DCLRE1B: variants seen among roughly 807,000 people sequenced by gnomAD.
DCLRE1B encodes 5' exonuclease Apollo.
In DCLRE1B, 6 loss-of-function variants were observed where a neutral mutation model predicts 19.8. That is an observed-to-expected ratio of 0.30 (90% CI 0.17 to 0.60). DCLRE1B has a LOEUF of 0.60. Ranked by LOEUF, DCLRE1B falls within the 20% of genes least tolerant of loss-of-function variation. The pLI, the probability that DCLRE1B is intolerant of heterozygous loss-of-function variation, is 0.87. For missense variants in DCLRE1B, 622 were observed against 654.2 expected, an observed-to-expected ratio of 0.95 and a Z score of 0.54; for synonymous variants, 258 against 255.7, an observed-to-expected ratio of 1.01 and a Z score of -0.09.
At chr1:113,909,513 A>G (rs1669172980) in intron 3 of DCLRE1B, among the ~76,000 whole-genome samples, 2 of 152,260 alleles carry the variant, frequency 1.3e-5, no homozygotes, top group Admixed American at 1.3e-4. Context: ...GAGTTTCAAA[A>G]TGAGACTAAA....
At position 113,905,462 on chromosome 1, in the gene DCLRE1B, C is replaced by G; in HGVS notation, c.-125C>G. 1.0e-6 allele frequency: 1 copy of G among 957,186 alleles called. No homozygotes were observed. The highest frequency in any genetic ancestry group is 2.4e-5 in the East Asian group (1 of 41,252). 59.3% of individuals were successfully genotyped at this position (957,186 alleles called of 1,614,324 possible). A position where few individuals can be genotyped will look rare whatever the true frequency, so the allele number is the denominator to read the frequency against. ...AACTTATTGCTCTGCTGGGCTCTTT[C>G]CCTTAGGGTCTCTGGCCCTGTTCTT... On this transcript the variant is annotated 5_prime_UTR_variant, in exon 1 of 4. Transcript: ENST00000650450.
chr1:113,907,214 T>TG lies in DCLRE1B; in HGVS notation c.355+53_355+54insG, dbSNP rs998690455. ...TTCTCCAGACTAGATGTTTTTTTTTTTTTTTTTTTTTTTTTTTTTTAATGT... is the reference window on the plus strand; with the variant it reads ...TTCTCCAGACTAGATGTTTTTTTTTTGTTTTTTTTTTTTTTTTTTTTAATGT... On this transcript the variant is annotated intron_variant, in intron 2 of 3. Transcript: ENST00000650450. 22 of 1,067,958 alleles carry TG rather than the reference T, an allele frequency of 2.1e-5. 1 individual carries two copies. Among genetic ancestry groups the TG allele is most frequent in the Middle Eastern group, 5.6e-4 (2 of 3,582 alleles). The allele number at this position is 1,067,958 out of a possible 1,614,324, so 66.2% of individuals were successfully genotyped here.
At chr1:113,907,792 G>T (rs1346276908) in intron 2 of DCLRE1B, among the ~76,000 whole-genome samples, 2 of 152,126 alleles carry the variant, frequency 1.3e-5, no homozygotes, top group Non-Finnish European at 2.9e-5. Context: ...ACTCTTTAAG[G>T]GTCCGAACCT....
At position 113,912,199 on chromosome 1, in the gene DCLRE1B, A is replaced by G; in HGVS notation, c.*8A>G. ...TACCATAAACCCTGCTGAAGACAGG[A>G]GAGTACAGAATGACAACATTGAGCC... On this transcript the variant is annotated 3_prime_UTR_variant, in exon 4 of 4. Coordinates refer to ENST00000650450, the MANE Select transcript of DCLRE1B (RefSeq NM_022836.4). 4 of 1,599,664 alleles carry G rather than the reference A, an allele frequency of 2.5e-6. No homozygotes were observed. Among genetic ancestry groups the G allele is most frequent in the Non-Finnish European group, 3.4e-6 (4 of 1,173,980 alleles).
At chr1:113,904,809 A>G, upstream of DCLRE1B, 1 of 1,097,582 alleles carries the variant, frequency 9.1e-7, no homozygotes, top group Non-Finnish European at 1.4e-6. Context: ...TAAAGGAAAT[A>G]TGAGTCAGTG....
intron 1 of DCLRE1B, among the ~76,000 whole-genome samples, chr1:113,906,509 G>A (rs868731989): frequency 1.0e-5 from 1 of 96,156 alleles, no homozygotes; most frequent in African/African-American, 3.2e-5. Flanking sequence ...TTTTTTTTTT[G>A]AGATGGAGTC....
chr1:113,906,584 G>A (rs953800236), intron 1 of DCLRE1B, among the ~76,000 whole-genome samples: 25 of 150,580 alleles, frequency 1.7e-4, no homozygotes, highest in African/African-American at 3.9e-4. Flanking sequence ...TCCGCCTCCC[G>A]GGTTCACGCC....
chr1:113,905,709 T>C lies in DCLRE1B; in HGVS notation c.123T>C (p.Ser41=). ...ACTCGGACCACACCGTGGGCCTGTC[T>C]AGCACCTGGGCCCGGCCCCTCTACT... ...HMHSDHTVGL[S]STWARPLYCS... Residue 41 remains serine, a synonymous_variant, in exon 1 of 4, where the codon TCT becomes TCC. Transcript: ENST00000650450. 6.2e-7 allele frequency: 1 copy of C among 1,614,200 alleles called. No homozygotes were observed. Among genetic ancestry groups the C allele is most frequent in the Non-Finnish European group, 8.5e-7 (1 of 1,180,040 alleles).
upstream of DCLRE1B, chr1:113,904,947 G>A: frequency 2.0e-6 from 1 of 506,630 alleles, no homozygotes; most frequent in Non-Finnish European, 3.6e-6. Flanking sequence ...CCTACCGTCG[G>A]CCGGCAGGCC....
intron 3 of DCLRE1B, among the ~76,000 whole-genome samples, 179 bp from the exon 4 acceptor site, chr1:113,910,952 C>T (rs1055265089): frequency 2.0e-5 from 3 of 152,220 alleles, no homozygotes; most frequent in Non-Finnish European, 4.4e-5. Context: ...TGAGTGGATT[C>T]TGTGTCATTC....
In DCLRE1B at chr1:113,911,558, T is replaced by C. The variant is rs1001695920; in HGVS notation, c.966T>C (p.Ser322=). 2 of 1,609,194 alleles carry C rather than the reference T, an allele frequency of 1.2e-6. No homozygotes were observed. The highest frequency in any genetic ancestry group is 1.7e-6 in the Non-Finnish European group (2 of 1,177,148). The change falls in exon 4 of 4, where the codon TCT becomes TCC. Residue 322 remains serine, a synonymous_variant. Transcript: ENST00000650450. ...PRISVPLIPD[S]VQQYMSSSSR... is the part of the protein sequence containing the mutation. ...TCTCCGTGCCCCTGATTCCGGACTC[T>C]GTACAGCAATACATGAGTTCTTCCT...
chr1:113,908,005 C>T lies in DCLRE1B; in HGVS notation c.356-4C>T. 6.2e-7 allele frequency: 1 copy of T among 1,612,252 alleles called. No individual in the cohort carries two copies. Among genetic ancestry groups the T allele is most frequent in the South Asian group, 1.1e-5 (1 of 90,762 alleles). On this transcript the variant is annotated splice_region_variant and splice_polypyrimidine_tract_variant and intron_variant, in intron 2 of 3. Transcript: ENST00000650450. The stretch of plus-strand genomic sequence containing the variant: ...CTTCTGCCCCCATGTACATATTCCT[C>T]CAGGTGATTTTCGATACACACCATC...
Position 113,911,234 on chromosome 1 carries a change from G to A in DCLRE1B, c.642G>A (p.Leu214=). The A allele has an allele frequency of 6.2e-7, 1 of 1,614,148 alleles. No homozygotes were observed. The highest frequency in any genetic ancestry group is 8.5e-7 in the Non-Finnish European group (1 of 1,180,024). The change falls in exon 4 of 4, where the codon CTG becomes CTA. Residue 214 remains leucine (L), a synonymous_variant. Transcript: ENST00000650450. The part of the protein sequence containing the change: ...SPRRLELVQL[L]GLADVFTVEE... ...GGCGCCTGGAGTTGGTACAGCTACT[G>A]GGCCTGGCAGATGTGTTCACAGTGG...
rs549106054 is a variant in DCLRE1B, at chr1:113,907,575, T to G, written c.355+414T>G. On this transcript the variant is annotated intron_variant, in intron 2 of 3. Coordinates refer to ENST00000650450, the MANE Select transcript of DCLRE1B (RefSeq NM_022836.4). ...ACCTCCGCCTTCTGGGTTCAAGTGA[T>G]TCTCTTGCCTCAGCCTCCCAAGTAG... is the stretch of plus-strand genomic sequence containing the variant. Among the ~76,000 whole-genome samples the G allele has an allele frequency of 1.1e-4, 16 of 152,282 alleles. No homozygotes were observed. The South Asian group carries it at 2.9e-3, about 28-fold the overall frequency.
upstream of DCLRE1B, chr1:113,904,715 C>G (rs2101057747): frequency 1.2e-6 from 2 of 1,612,242 alleles, no homozygotes; most frequent in Non-Finnish European, 1.7e-6. Context: ...CAAGGTACGG[C>G]ATCTTCCTAA....
rs1571598930 is a variant in DCLRE1B at position 113,905,370 on chromosome 1, T to G, written c.-217T>G. 3.6e-6 allele frequency: 2 copies of G among 554,188 alleles called. No individual in the cohort carries two copies. Among genetic ancestry groups the G allele is most frequent in the Non-Finnish European group, 6.2e-6 (2 of 321,930 alleles). 34.3% of individuals were successfully genotyped at this position (554,188 alleles called of 1,614,324 possible). Reference sequence around the variant, plus strand: ...GCCTCCGCTCCCGCGCGGTTGGGAGTGTCCAGCGCCCTCCGCGATTTGGGC... The same window carrying G: ...GCCTCCGCTCCCGCGCGGTTGGGAGGGTCCAGCGCCCTCCGCGATTTGGGC... On this transcript the variant is annotated 5_prime_UTR_variant, in exon 1 of 4. Transcript: ENST00000650450.
At position 113,914,010 on chromosome 1, in the gene DCLRE1B, C is replaced by T. The variant is rs973515877; in HGVS notation, c.*1819C>T. On this transcript the variant is annotated 3_prime_UTR_variant, in exon 4 of 4. Coordinates refer to ENST00000650450, the MANE Select transcript of DCLRE1B (RefSeq NM_022836.4). Reference sequence around the variant, plus strand: ...ACCCTATCATGTGAGTATACCTTAACTAAGCCATTCCCATATTCAACATTT... The same window carrying T: ...ACCCTATCATGTGAGTATACCTTAATTAAGCCATTCCCATATTCAACATTT... 2 of 152,178 alleles carry T rather than the reference C, an allele frequency of 1.3e-5. No individual in the cohort carries two copies. The highest frequency in any genetic ancestry group is 2.9e-5 in the Non-Finnish European group (2 of 68,038). 9.4% of individuals were successfully genotyped at this position (152,178 alleles called of 1,614,324 possible). A position where few individuals can be genotyped will look rare whatever the true frequency, so the allele number is the denominator to read the frequency against.
intron 3 of DCLRE1B, among the ~76,000 whole-genome samples, chr1:113,909,691 A>C (rs1571610845): frequency 6.6e-6 from 1 of 152,220 alleles, no homozygotes; most frequent in East Asian, 1.9e-4. Flanking sequence ...ATGCTATAGT[A>C]AGCCTTAATT....
At chr1:113,905,215 C>T, upstream of DCLRE1B, 1 of 339,116 alleles carries the variant, frequency 2.9e-6, no homozygotes, top group East Asian at 7.6e-5. Context: ...CTTAGGATGC[C>T]CTTCCCCCAA....
Sources: gnomAD v4.1 joint callset for allele counts (sites outside exome capture counted in the v4.1 genomes callset) on GRCh38, gnomAD v4.1.1 for gene constraint, MANE v1.5 for transcripts, NCBI Gene and HGNC (gene_info 2026-07-23, HGNC 2026-07-21) for gene names.